TESPA1: variants seen among roughly 807,000 people sequenced by gnomAD.
TESPA1 encodes the protein protein TESPA1.
A neutral mutation model predicts 57.9 loss-of-function variants in TESPA1; 33 were observed. The ratio of observed to expected loss-of-function variants is 0.57; its 90% CI spans 0.43 to 0.76. The LOEUF is 0.76. Among genes scored for constraint, TESPA1 ranks in the 30% least tolerant of loss-of-function variants. The probability of loss-of-function intolerance (pLI) is 0.00; values close to 1 mark genes in which losing one functional copy is unlikely to be tolerated. For missense variants in TESPA1, 618 were observed against 632.9 expected, an observed-to-expected ratio of 0.98 and a Z score of 0.25; for synonymous variants, 227 against 228.9, an observed-to-expected ratio of 0.99 and a Z score of 0.07.
In TESPA1 at chr12:54,949,379, GTTTT is replaced by G. The variant is rs10580548; in HGVS notation, c.*1009_*1012del. Reference sequence around the variant, plus strand: ...AATTCCCTCAAGTCCCTCTCTTCCTGTTTTTTTTTTTTTTTTCTTTTGTCTCACA... The same window carrying G: ...AATTCCCTCAAGTCCCTCTCTTCCTGTTTTTTTTTTTTCTTTTGTCTCACA... On this transcript the variant is annotated 3_prime_UTR_variant, in exon 11 of 11. Coordinates refer to ENST00000449076, the MANE Select transcript of TESPA1 (RefSeq NM_001136030.3). 101,264 of 141,666 alleles carry G rather than the reference GTTTT, an allele frequency of 0.71. 35,944 individuals carry two copies. Among genetic ancestry groups the G allele is most frequent in the South Asian group, 0.83 (3,790 of 4,548 alleles). The allele number at this position is 141,666 out of a possible 1,614,324, so 8.8% of individuals were successfully genotyped here. A position where few individuals can be genotyped will look rare whatever the true frequency, so the allele number is the denominator to read the frequency against.
intron 10 of TESPA1, among the ~76,000 whole-genome samples, chr12:54,960,943 G>A (rs900843504): frequency 6.6e-6 from 1 of 152,142 alleles, no homozygotes; most frequent in Admixed American, 6.6e-5. Context: ...AGCCCTCCAG[G>A]TGATTGTGAT....
Position 54,963,751 on chromosome 12 carries a change from T to C in TESPA1, c.646A>G (p.Met216Val), listed in dbSNP as rs1364768303. ...TGGGAGGGACACTCACTGGCCAGCA[T>C]GAGGCAGGGGTCTTCCATTTCAATC... ...RRIEMEDPCL[M>V]LASRFKQVQT... The change falls in exon 8 of 11, where the codon ATG (methionine) becomes GTG (valine). Residue 216 changes from methionine to valine, a missense_variant. Transcript: ENST00000449076. 1 of 1,612,186 alleles carries C rather than the reference T, an allele frequency of 6.2e-7. No homozygotes were observed. Among genetic ancestry groups the C allele is most frequent in the Non-Finnish European group, 8.5e-7 (1 of 1,179,474 alleles).
intron 1 of TESPA1, among the ~76,000 whole-genome samples, chr12:54,979,644 G>A (rs989340978): frequency 2.6e-5 from 4 of 152,180 alleles, no homozygotes; most frequent in African/African-American, 9.7e-5. Context: ...ATAGGATTGA[G>A]GTTAGACAGG....
At chr12:54,973,544 C>T in intron 2 of TESPA1, 25 bp from the exon 3 acceptor site, 2 of 1,613,970 alleles carry the variant, frequency 1.2e-6, no homozygotes, top group Non-Finnish European at 8.5e-7. Context: ...CACTAGATCA[C>T]TGTGAGAACT....
At chr12:54,950,871 A>G (rs1386819262) in intron 10 of TESPA1, among the ~76,000 whole-genome samples, 1 of 152,208 alleles carries the variant, frequency 6.6e-6, no homozygotes, top group Non-Finnish European at 1.5e-5. Context: ...AAAAGAGAGA[A>G]AGAAATAGGC....
chr12:54,965,944 A>T (rs1001450076), intron 7 of TESPA1, 109 bp downstream of exon 7: 1 of 1,053,528 alleles, frequency 9.5e-7, no homozygotes, highest in Non-Finnish European at 1.4e-6. Flanking sequence ...AAAAGTGCAT[A>T]AAAGCTCCAG....
chr12:54,975,733 T>A (rs1333061688), intron 1 of TESPA1, among the ~76,000 whole-genome samples: 1 of 145,080 alleles, frequency 6.9e-6, no homozygotes, highest in East Asian at 2.0e-4. Flanking sequence ...ACTACCAGTT[T>A]ACAGAGACTT....
rs76897902 is a variant in TESPA1 at position 54,971,658 on chromosome 12, A to G, written c.206+1819T>C. On this transcript the variant is annotated intron_variant, in intron 3 of 10. Transcript: ENST00000449076. The stretch of plus-strand genomic sequence containing the variant: ...CAGATACCCTTGCACCAGTCACTCT[A>G]TTTTCACACATGTAAACATTTTGCC... Among the ~76,000 whole-genome samples the G allele has an allele frequency of 3.9e-5, 6 of 152,258 alleles. No individual in the cohort carries two copies. In the East Asian group the frequency reaches 1.2e-3, roughly 29 times the overall value.
intron 3 of TESPA1, among the ~76,000 whole-genome samples, chr12:54,968,491 T>A (rs899279422): frequency 2.6e-5 from 4 of 152,192 alleles, no homozygotes; most frequent in Admixed American, 1.3e-4. Context: ...CAAATGGTGG[T>A]GAGAGACAGC....
At chr12:54,957,044 G>A (rs1950777777) in intron 10 of TESPA1, among the ~76,000 whole-genome samples, 1 of 152,174 alleles carries the variant, frequency 6.6e-6, no homozygotes, top group African/African-American at 2.4e-5. Flanking sequence ...CCAACTTTGC[G>A]AGACTCATTC....
Position 54,962,820 on chromosome 12 carries a change from A to G in TESPA1, c.1078T>C (p.Cys360Arg). ...GKKLPTSPYP[C>R]VFCCEEETQQ... ...GTTTCCTCTTCACAGCAGAAGACAC[A>G]TGGATAGGGAGAAGTGGGCAACTTC... is the stretch of plus-strand genomic sequence containing the variant. The change falls in exon 9 of 11, where the codon TGT becomes CGT. Residue 360 changes from cysteine (C) to arginine (R), a missense_variant. Transcript: ENST00000449076. 1.2e-6 allele frequency: 2 copies of G among 1,613,886 alleles called. No individual in the cohort carries two copies. Among genetic ancestry groups the G allele is most frequent in the Non-Finnish European group, 8.5e-7 (1 of 1,179,832 alleles).
Sources: allele counts gnomAD v4.1 joint callset (sites outside exome capture counted in the v4.1 genomes callset), GRCh38; gene constraint gnomAD v4.1.1; transcripts MANE v1.5; gene names NCBI Gene and HGNC (gene_info 2026-07-23, HGNC 2026-07-21).